KIF5C: variants seen among roughly 807,000 people sequenced by gnomAD.
KIF5C encodes the protein kinesin family member 5C, also known as kinesin heavy chain isoform 5C.
Under a neutral mutation model 125.2 loss-of-function variants are expected in KIF5C, and 18 were observed. The observed-to-expected ratio is 0.14, with a 90% CI of 0.10 to 0.21. The LOEUF is 0.21. KIF5C is among the 10% of genes least tolerant of loss of function. The probability of loss-of-function intolerance (pLI) is 1.00; values close to 1 mark genes in which losing one functional copy is unlikely to be tolerated. For synonymous variants in KIF5C, 405 were observed against 434.0 expected (o/e 0.93, Z 0.83); for missense variants, 780 against 1,183.8 (o/e 0.66, Z 5.01).
intron 1 of KIF5C, among the ~76,000 whole-genome samples, chr2:148,881,433 T>C (rs1004915098): frequency 3.3e-5 from 5 of 152,190 alleles, no homozygotes; most frequent in African/African-American, 1.2e-4. Context: ...TTTTTCTTTT[T>C]TTAATTAAAT....
chr2:148,962,299 G>A (rs548460689), intron 11 of KIF5C, among the ~76,000 whole-genome samples, 180 bp downstream of exon 11: 91 of 151,886 alleles, frequency 6.0e-4, no homozygotes, highest in African/African-American at 2.1e-3. Context: ...CCGAGTAGCT[G>A]GGATTACAGG....
chr2:148,964,271 A>G (rs1472567980), intron 11 of KIF5C, among the ~76,000 whole-genome samples: 1 of 145,538 alleles, frequency 6.9e-6, no homozygotes, highest in East Asian at 2.0e-4. Context: ...GCAAAACTCC[A>G]TCTCAAAAAA....
At position 148,990,998 on chromosome 2, in the gene KIF5C, T is replaced by G. The variant is rs561160831; in HGVS notation, c.1717-12T>G. ...GTGGGCAACATTTGAGTGTGTCCCC[T>G]TCTTTGCTCAGTTGGCAGATGTGAA... On this transcript the variant is annotated splice_polypyrimidine_tract_variant and intron_variant, in intron 15 of 25. Coordinates refer to ENST00000435030, the MANE Select transcript of KIF5C (RefSeq NM_004522.3). The G allele has an allele frequency of 1.5e-5, 24 of 1,610,516 alleles. No homozygotes were observed. In the East Asian group the frequency reaches 4.9e-4, roughly 33 times the overall value.
intron 4 of KIF5C, among the ~76,000 whole-genome samples, chr2:148,938,275 T>G (rs1407210786): frequency 1.3e-5 from 2 of 152,228 alleles, no homozygotes; most frequent in Non-Finnish European, 2.9e-5. Flanking sequence ...TTTAAACTTT[T>G]TAAACAATTG....
At chr2:148,978,419 C>T (rs1302994034) in intron 12 of KIF5C, among the ~76,000 whole-genome samples, 2 of 147,090 alleles carry the variant, frequency 1.4e-5, no homozygotes, top group Non-Finnish European at 3.0e-5. Flanking sequence ...GCCAAATCTC[C>T]AGTTCATTTT....
At position 149,024,470 on chromosome 2, in the gene KIF5C, AGACTTTGGGCTTTTCTCAT is replaced by A. The variant is rs1682627552; in HGVS notation, c.*1405_*1423del. 6.6e-6 allele frequency: 1 copy of A among 151,574 alleles called. No individual in the cohort carries two copies. Among genetic ancestry groups the A allele is most frequent in the Admixed American group, 6.6e-5 (1 of 15,086 alleles). 9.4% of individuals were successfully genotyped at this position (151,574 alleles called of 1,614,324 possible). A position where few individuals can be genotyped will look rare whatever the true frequency, so the allele number is the denominator to read the frequency against. On this transcript the variant is annotated 3_prime_UTR_variant, in exon 26 of 26. Coordinates refer to ENST00000435030, the MANE Select transcript of KIF5C (RefSeq NM_004522.3). ...ACTGTAATGAAATATATGCCAGGGG[AGACTTTGGGCTTTTCTCAT>A]GACTGTGTGGGTCGAAGGTAGCTCA... is the stretch of plus-strand genomic sequence containing the variant.
At chr2:148,893,501 C>T (rs552818294) in intron 1 of KIF5C, among the ~76,000 whole-genome samples, 349 of 152,326 alleles carry the variant, frequency 2.3e-3, no homozygotes, top group African/African-American at 8.0e-3. Flanking sequence ...CACGTTCACT[C>T]GTCCAAGCCT....
At chr2:148,897,196 C>A (rs1464115312) in intron 1 of KIF5C, among the ~76,000 whole-genome samples, 1 of 152,150 alleles carries the variant, frequency 6.6e-6, no homozygotes, top group Non-Finnish European at 1.5e-5. Flanking sequence ...AGACACACAT[C>A]TGAAATAATA....
intron 11 of KIF5C, among the ~76,000 whole-genome samples, chr2:148,963,792 CT>C (rs1682984725): frequency 2.0e-5 from 3 of 152,074 alleles, no homozygotes; most frequent in Admixed American, 6.6e-5. Flanking sequence ...GGCAATGAAC[CT>C]TTTTTCCCCC....
At chr2:148,962,690 A>T (rs1682959302) in intron 11 of KIF5C, among the ~76,000 whole-genome samples, 1 of 152,200 alleles carries the variant, frequency 6.6e-6, no homozygotes, top group Non-Finnish European at 1.5e-5. Flanking sequence ...GGCTGCCTTA[A>T]TCTGCTTCCA....
intron 11 of KIF5C, among the ~76,000 whole-genome samples, chr2:148,965,768 G>A (rs1252161179): frequency 2.0e-5 from 3 of 152,150 alleles, no homozygotes; most frequent in East Asian, 1.9e-4. Context: ...GTAAAGCTGC[G>A]ATCTGAACTG....
intron 18 of KIF5C, 50 bp from the exon 19 acceptor site, chr2:148,998,350 G>C (rs1425380252): frequency 6.4e-7 from 1 of 1,551,286 alleles, no homozygotes. Flanking sequence ...TCACAGAGTG[G>C]GCTGAGTGCC....
rs1574742733 is a variant in KIF5C at position 148,919,714 on chromosome 2, C to T, written c.127-2423C>T. ...CCCAAGTCAGTTCTTTGAAAATATT[C>T]AATAACTAAATTCTGATCAATCTCT... On this transcript the variant is annotated intron_variant, in intron 1 of 25. Transcript: ENST00000435030. Among the ~76,000 whole-genome samples, 9 of 152,268 alleles carry T rather than the reference C, an allele frequency of 5.9e-5. No individual in the cohort carries two copies. The South Asian group carries it at 1.9e-3, about 32-fold the overall frequency.
intron 18 of KIF5C, 122 bp downstream of exon 18, chr2:148,997,462 CTGT>C (rs1242160925): frequency 2.6e-6 from 4 of 1,523,934 alleles, no homozygotes; most frequent in African/African-American, 1.4e-5. Flanking sequence ...AGGGGAGGGG[CTGT>C]TGTTGGGCAT....
At chr2:148,994,638 A>C in intron 17 of KIF5C, 100 bp downstream of exon 17, 1 of 1,373,294 alleles carries the variant, frequency 7.3e-7, no homozygotes, top group Non-Finnish European at 9.6e-7. Flanking sequence ...CAGTTAAAGC[A>C]TTTCTAGGTC....
chr2:148,875,365 AG>A lies in KIF5C; in HGVS notation c.-249del. On this transcript the variant is annotated 5_prime_UTR_variant, in exon 1 of 26. Coordinates refer to ENST00000435030, the MANE Select transcript of KIF5C (RefSeq NM_004522.3). ...GCAGGTGGGCCGGGGGGCGCTGGGC[AG>A]GGGCGGGGCAGGGCCAGGGCAGGCC... is the stretch of plus-strand genomic sequence containing the variant. 1 of 370,016 alleles carries A rather than the reference AG, an allele frequency of 2.7e-6. No individual in the cohort carries two copies. The highest frequency in any genetic ancestry group is 4.8e-6 in the Non-Finnish European group (1 of 208,992). 22.9% of individuals were successfully genotyped at this position (370,016 alleles called of 1,614,324 possible). A position where few individuals can be genotyped will look rare whatever the true frequency, so the allele number is the denominator to read the frequency against.
chr2:149,011,704 G>A (rs767757816), intron 25 of KIF5C, 21 bp downstream of exon 25: 2 of 1,613,828 alleles, frequency 1.2e-6, no homozygotes, highest in South Asian at 1.1e-5. Flanking sequence ...TGTCAAGGGT[G>A]GTTTCTCTAT....
At chr2:149,013,263 T>C (rs1682264711) in intron 25 of KIF5C, among the ~76,000 whole-genome samples, 1 of 152,190 alleles carries the variant, frequency 6.6e-6, no homozygotes, top group Admixed American at 6.5e-5. Context: ...CCTCCTGAAC[T>C]CAAGGCCAGC....
chr2:148,985,498 C>T (rs1297442535), intron 15 of KIF5C, among the ~76,000 whole-genome samples: 1 of 152,146 alleles, frequency 6.6e-6, no homozygotes, highest in African/African-American at 2.4e-5. Context: ...ATCTTCCTGC[C>T]AATACCACAA....
Sources: gnomAD v4.1 joint callset for allele counts (sites outside exome capture counted in the v4.1 genomes callset) on GRCh38, gnomAD v4.1.1 for gene constraint, MANE v1.5 for transcripts, NCBI Gene and HGNC (gene_info 2026-07-23, HGNC 2026-07-21) for gene names.